DYNC2I1: variants seen among roughly 807,000 people sequenced by gnomAD.
The protein encoded by DYNC2I1 is dynein 2 intermediate chain 1, also known as cytoplasmic dynein 2 intermediate chain 1.
In DYNC2I1, 89 loss-of-function variants were observed where a neutral mutation model predicts 133.4. The observed-to-expected ratio is 0.67, with a 90% CI of 0.56 to 0.80. The LOEUF is 0.80. Ranked by LOEUF, DYNC2I1 falls within the 30% of genes least tolerant of loss-of-function variation. The pLI, the probability that DYNC2I1 is intolerant of heterozygous loss-of-function variation, is 0.00. For synonymous variants in DYNC2I1, 504 were observed against 484.3 expected (o/e 1.04, Z -0.54); for missense variants, 1,291 against 1,314.5 (o/e 0.98, Z 0.28).
At chr7:158,854,309 C>G (rs1563058460), upstream of DYNC2I1, among the ~76,000 whole-genome samples, 1 of 152,150 alleles carries the variant, frequency 6.6e-6, no homozygotes, top group East Asian at 1.9e-4. Flanking sequence ...ACCATAATTT[C>G]TAATCTCATG....
intron 3 of DYNC2I1, among the ~76,000 whole-genome samples, chr7:158,874,014 C>T (rs532075820): frequency 3.3e-5 from 5 of 152,176 alleles, no homozygotes; most frequent in Admixed American, 2.6e-4. Flanking sequence ...CCACCTTGAC[C>T]TCCCAGAGTA....
Position 158,912,376 on chromosome 7 carries a change from A to G in DYNC2I1, c.1591-609A>G, listed in dbSNP as rs559111499. 4.6e-5 allele frequency among the ~76,000 whole-genome samples: 7 copies of G among 152,324 alleles called. No individual in the cohort carries two copies. In the South Asian group the frequency reaches 1.4e-3, roughly 32 times the overall value. ...CCAATCTTAACATTGTCTAGTTGGT[A>G]CACTCAATAAAATCCTTTTAAAAGG... On this transcript the variant is annotated intron_variant, in intron 12 of 24. Coordinates refer to ENST00000407559, the MANE Select transcript of DYNC2I1 (RefSeq NM_018051.5).
intron 1 of DYNC2I1, among the ~76,000 whole-genome samples, chr7:158,864,854 A>C (rs1284128741): frequency 2.6e-5 from 4 of 152,252 alleles, no homozygotes; most frequent in Admixed American, 2.6e-4. Context: ...AACTAGTTCA[A>C]ATCAGTATTT....
chr7:158,875,218 C>T (rs1053193030), intron 3 of DYNC2I1, among the ~76,000 whole-genome samples: 7 of 151,662 alleles, frequency 4.6e-5, no homozygotes, highest in African/African-American at 1.7e-4. Flanking sequence ...CCTTAGCCTC[C>T]TGAGTACCTG....
intron 11 of DYNC2I1, among the ~76,000 whole-genome samples, chr7:158,907,080 A>C (rs1037087480): frequency 2.7e-5 from 4 of 150,692 alleles, no homozygotes; most frequent in South Asian, 2.1e-4. Flanking sequence ...GCACCATTGC[A>C]CTCCAGCCTT....
intron 10 of DYNC2I1, chr7:158,904,455 C>T (rs1474566373): frequency 6.6e-6 from 1 of 152,188 alleles, no homozygotes; most frequent in Non-Finnish European, 1.5e-5. Context: ...AAAGTTACAC[C>T]ATGGCGTTTG....
intron 24 of DYNC2I1, among the ~76,000 whole-genome samples, chr7:158,943,140 C>G (rs1851539944): frequency 6.6e-6 from 1 of 152,140 alleles, no homozygotes; most frequent in Non-Finnish European, 1.5e-5. Context: ...CCAGTGAGAT[C>G]TGAATGAAAT....
At chr7:158,955,075 G>T (rs1852165538) in intron 4 of DYNC2I1, among the ~76,000 whole-genome samples, 1 of 152,216 alleles carries the variant, frequency 6.6e-6, no homozygotes, top group East Asian at 1.9e-4. Flanking sequence ...GTTTCTAAAG[G>T]CTCTGGTTTT....
chr7:158,954,238 A>T (rs957785409), intron 4 of DYNC2I1, among the ~76,000 whole-genome samples: 2 of 152,156 alleles, frequency 1.3e-5, no homozygotes, highest in African/African-American at 2.4e-5. Flanking sequence ...TCTTTCCTTT[A>T]TGAATTACCC....
downstream of DYNC2I1, among the ~76,000 whole-genome samples, chr7:158,948,563 G>A (rs1851957338): frequency 1.5e-5 from 2 of 134,780 alleles, no homozygotes; most frequent in Admixed American, 7.5e-5. Context: ...CGGGTGCTTC[G>A]GACACGGGAG....
At chr7:158,876,825 T>C (rs1465964784) in intron 4 of DYNC2I1, 134 bp downstream of exon 4, 17 of 1,179,318 alleles carry the variant, frequency 1.4e-5, no homozygotes, top group Non-Finnish European at 1.9e-5. Flanking sequence ...CCTCCAGCAC[T>C]GTGTATAGTC....
At chr7:158,863,976 G>C in intron 1 of DYNC2I1, among the ~76,000 whole-genome samples, 1 of 144,996 alleles carries the variant, frequency 6.9e-6, no homozygotes, top group Middle Eastern at 3.5e-3. Flanking sequence ...TGGTGTTGCG[G>C]GGAGCAGGAC....
At chr7:158,933,182 T>C (rs993786657) in intron 21 of DYNC2I1, among the ~76,000 whole-genome samples, 9 of 152,156 alleles carry the variant, frequency 5.9e-5, no homozygotes, top group Non-Finnish European at 1.3e-4. Context: ...GTGTGGCAGA[T>C]GGAGCAACTG....
At chr7:158,899,662 C>T (rs1297306672) in intron 8 of DYNC2I1, among the ~76,000 whole-genome samples, 3 of 152,170 alleles carry the variant, frequency 2.0e-5, no homozygotes, top group Non-Finnish European at 4.4e-5. Context: ...CCATGCTATT[C>T]TCGTGATAGT....
At chr7:158,913,628 C>G (rs747924146) in intron 13 of DYNC2I1, among the ~76,000 whole-genome samples, 37 of 152,096 alleles carry the variant, frequency 2.4e-4, no homozygotes, top group Admixed American at 2.0e-3. Context: ...TATATTACTC[C>G]CTTTTCTCAG....
intron 1 of DYNC2I1, among the ~76,000 whole-genome samples, chr7:158,867,415 C>T (rs954652446): frequency 2.6e-5 from 4 of 152,164 alleles, no homozygotes; most frequent in South Asian, 2.1e-4. Context: ...GGAGCAGGAG[C>T]GGCACAGAAG....
At chr7:158,840,248 C>CAA in the DYNC2I1 span, among the ~76,000 whole-genome samples, 117 of 142,368 alleles carry the variant, frequency 8.2e-4, 1 homozygote, top group African/African-American at 2.8e-3. Flanking sequence ...ACATTGTCTA[C>CAA]AAAAAAAAAA....
intron 1 of DYNC2I1, among the ~76,000 whole-genome samples, chr7:158,864,857 C>T (rs1340093192): frequency 1.3e-5 from 2 of 152,214 alleles, no homozygotes; most frequent in Non-Finnish European, 2.9e-5. Context: ...TAGTTCAAAT[C>T]AGTATTTAAC....
chr7:158,915,171 G>C (rs1360211206), intron 14 of DYNC2I1, among the ~76,000 whole-genome samples: 1 of 151,734 alleles, frequency 6.6e-6, no homozygotes, highest in African/African-American at 2.4e-5. Flanking sequence ...CAACACGCTG[G>C]TTGACAGGAT....
Sources: allele counts gnomAD v4.1 joint callset (sites outside exome capture counted in the v4.1 genomes callset), GRCh38; gene constraint gnomAD v4.1.1; transcripts MANE v1.5; gene names NCBI Gene and HGNC (gene_info 2026-07-23, HGNC 2026-07-21).